REST: variants seen among roughly 807,000 people sequenced by gnomAD.
REST encodes the protein RE1-silencing transcription factor.
In REST, 1 loss-of-function variant was observed where a neutral mutation model predicts 30.4. The ratio of observed to expected loss-of-function variants is 0.03; its 90% CI spans 0.01 to 0.16. The LOEUF is 0.16. Among genes scored for constraint, REST ranks in the 10% least tolerant of loss-of-function variants. The pLI is 1.00. For synonymous variants in REST, 504 were observed against 451.1 expected, an observed-to-expected ratio of 1.12 and a Z score of -1.49; for missense variants, 1,259 against 1,329.5, an observed-to-expected ratio of 0.95 and a Z score of 0.82.
In REST at chr4:56,931,431, A is replaced by T; in HGVS notation, c.2573A>T (p.Glu858Val). ...SWLLKESVSTEDLSPPSPPLP... is the reference protein window; with the variant it reads ...SWLLKESVSTVDLSPPSPPLP... The stretch of plus-strand genomic sequence containing the variant: ...CTTCTAAAGGAAAGTGTAAGCACAG[A>T]GGATCTCTCACCACCATCACCACCA... Residue 858 changes from glutamate (E) to valine (V), a missense_variant, in exon 4 of 4, where the codon GAG (glutamate) becomes GTG (valine). By Grantham distance (121) the Glu-to-Val change is moderately radical. This residue lies in a region of REST where 856 missense variants were observed against 772.8 expected (regional missense o/e 1.11). Coordinates refer to ENST00000309042, the MANE Select transcript of REST (RefSeq NM_005612.5). 1 of 1,614,270 alleles carries T rather than the reference A, an allele frequency of 6.2e-7. No homozygotes were observed. The highest frequency in any genetic ancestry group is 8.5e-7 in the Non-Finnish European group (1 of 1,180,050).
chr4:56,915,127 T>C (rs1720129483), intron 2 of REST, among the ~76,000 whole-genome samples: 1 of 151,196 alleles, frequency 6.6e-6, no homozygotes, highest in Non-Finnish European at 1.5e-5. Context: ...TTCTCCATGT[T>C]GGGCAGGCTG....
rs1721071718 is a variant in REST, at chr4:56,934,159, A to T, written c.*2007A>T. ...CGACAATCATTGTCAACAGAAGATC[A>T]AGCTGCAAATATTTATGTTTTAAAA... is the stretch of plus-strand genomic sequence containing the variant. On this transcript the variant is annotated 3_prime_UTR_variant, in exon 4 of 4. Transcript: ENST00000309042. The T allele has an allele frequency of 2.0e-5, 3 of 152,370 alleles. No homozygotes were observed. In the South Asian group the frequency reaches 6.2e-4, roughly 32 times the overall value. 9.4% of individuals were successfully genotyped at this position (152,370 alleles called of 1,614,324 possible).
intron 3 of REST, among the ~76,000 whole-genome samples, chr4:56,928,711 T>G (rs917697767): frequency 6.6e-6 from 1 of 151,158 alleles, no homozygotes; most frequent in Non-Finnish European, 1.5e-5. Flanking sequence ...TCAGCCTCCC[T>G]AGTAGGTGGG....
rs1206393948 is a variant in REST at position 56,932,807 on chromosome 4, A to G, written c.*655A>G. ...TTTTTTTTTCTTTTGGTTTCTGTTT[A>G]TGTTTTTTTGCCTATGCAGTTAAAT... On this transcript the variant is annotated 3_prime_UTR_variant, in exon 4 of 4. Transcript: ENST00000309042. The G allele has an allele frequency of 6.7e-6, 1 of 150,018 alleles. No individual in the cohort carries two copies. The allele number at this position is 150,018 out of a possible 1,614,324, so 9.3% of individuals were successfully genotyped here. A position where few individuals can be genotyped will look rare whatever the true frequency, so the allele number is the denominator to read the frequency against.
rs1721085685 is a variant in REST at position 56,934,603 on chromosome 4, A to G, written c.*2451A>G. On this transcript the variant is annotated 3_prime_UTR_variant, in exon 4 of 4. Transcript: ENST00000309042. ...TTTGTACTTACTAAAAATTGTTTCA[A>G]TGAAAAGTACATTAGCAGTATGAAC... The G allele has an allele frequency of 1.3e-5, 2 of 152,210 alleles. No homozygotes were observed. Among genetic ancestry groups the G allele is most frequent in the Admixed American group, 1.3e-4 (2 of 15,274 alleles). 9.4% of individuals were successfully genotyped at this position (152,210 alleles called of 1,614,324 possible).
In REST at chr4:56,934,058, T is replaced by C. The variant is rs1237752897; in HGVS notation, c.*1906T>C. The C allele has an allele frequency of 6.6e-6, 1 of 152,170 alleles. No homozygotes were observed. Among genetic ancestry groups the C allele is most frequent in the Non-Finnish European group, 1.5e-5 (1 of 68,020 alleles). The allele number at this position is 152,170 out of a possible 1,614,324, so 9.4% of individuals were successfully genotyped here. A position where few individuals can be genotyped will look rare whatever the true frequency, so the allele number is the denominator to read the frequency against. ...AGCGGAAGATTCTTCTCTTAAGACATGAGGAGTAAGTTGTGTGATAATGGT... is the reference window on the plus strand; with the variant it reads ...AGCGGAAGATTCTTCTCTTAAGACACGAGGAGTAAGTTGTGTGATAATGGT... On this transcript the variant is annotated 3_prime_UTR_variant, in exon 4 of 4. Coordinates refer to ENST00000309042, the MANE Select transcript of REST (RefSeq NM_005612.5).
At chr4:56,918,418 C>T (rs866193026) in intron 2 of REST, among the ~76,000 whole-genome samples, 6 of 151,914 alleles carry the variant, frequency 3.9e-5, no homozygotes, top group South Asian at 4.2e-4. Flanking sequence ...CTGTTGAGCC[C>T]GGGAGGTCCA....
At chr4:56,927,231 T>G (rs1720753853) in intron 3 of REST, among the ~76,000 whole-genome samples, 1 of 152,240 alleles carries the variant, frequency 6.6e-6, no homozygotes, top group Admixed American at 6.5e-5. Flanking sequence ...TTCTTAGGCC[T>G]TATGCTACCT....
chr4:56,917,863 A>G (rs535566801), intron 2 of REST, among the ~76,000 whole-genome samples: 1 of 151,420 alleles, frequency 6.6e-6, no homozygotes, highest in Non-Finnish European at 1.5e-5. Flanking sequence ...CATCCTGGCT[A>G]ACAAGGTGAA....
rs1196940528 is a variant in REST, at chr4:56,934,939, C to T, written c.*2787C>T. 4.7e-5 allele frequency: 7 copies of T among 150,358 alleles called. No homozygotes were observed. Among genetic ancestry groups the T allele is most frequent in the Non-Finnish European group, 7.4e-5 (5 of 67,684 alleles). 9.3% of individuals were successfully genotyped at this position (150,358 alleles called of 1,614,324 possible). On this transcript the variant is annotated 3_prime_UTR_variant, in exon 4 of 4. Coordinates refer to ENST00000309042, the MANE Select transcript of REST (RefSeq NM_005612.5). The stretch of plus-strand genomic sequence containing the variant: ...CAAGATATTTTAAGTTATATTTTTT[C>T]CTCTTTTCAGAGCTGCTTCTTATTC...
chr4:56,917,645 A>C (rs919044304), intron 2 of REST, among the ~76,000 whole-genome samples: 1 of 152,260 alleles, frequency 6.6e-6, no homozygotes, highest in African/African-American at 2.4e-5. Context: ...ATTACAGGAA[A>C]TGAAGATTCT....
rs761641120 is a variant in REST, at chr4:56,931,685, A to G, written c.2827A>G (p.Ile943Val). The change falls in exon 4 of 4, where the codon ATA (isoleucine) becomes GTA (valine). Residue 943 changes from isoleucine (I) to valine (V), a missense_variant. This residue lies in a region of REST where 856 missense variants were observed against 772.8 expected (regional missense o/e 1.11). Transcript: ENST00000309042. ...AAATGGTAAACATCAGACTGACAGT[A>G]TAGTTTGTGAAATGAAAATGGACAC... ...TLNGKHQTDSIVCEMKMDTDQ... is the reference protein window; with the variant it reads ...TLNGKHQTDSVVCEMKMDTDQ... 1.2e-6 allele frequency: 2 copies of G among 1,614,128 alleles called. No homozygotes were observed. The highest frequency in any genetic ancestry group is 2.2e-5 in the South Asian group (2 of 91,094).
chr4:56,913,343 G>A (rs1316687968), intron 2 of REST, among the ~76,000 whole-genome samples: 1 of 151,856 alleles, frequency 6.6e-6, no homozygotes, highest in South Asian at 2.1e-4. Flanking sequence ...ATTTAAATTG[G>A]GTTTTAAATA....
intron 2 of REST, among the ~76,000 whole-genome samples, chr4:56,915,754 A>C (rs774156765): frequency 6.6e-6 from 1 of 152,184 alleles, no homozygotes; most frequent in African/African-American, 2.4e-5. Context: ...TTCCACTTGC[A>C]TTAGTAAGTA....
Position 56,910,758 on chromosome 4 carries a change from A to G in REST, c.120A>G (p.Glu40=). Residue 40 remains glutamate (E), a synonymous_variant, in exon 2 of 4, where the codon GAA becomes GAG. Coordinates refer to ENST00000309042, the MANE Select transcript of REST (RefSeq NM_005612.5). The stretch of plus-strand genomic sequence containing the variant: ...ACTTGCATGACCTTTCCAAAGCTGA[A>G]CTGGCCGCACCTCAGCTTATTATGC... ...MYDLHDLSKA[E]LAAPQLIMLA... 6.2e-7 allele frequency: 1 copy of G among 1,614,226 alleles called. No homozygotes were observed. The highest frequency in any genetic ancestry group is 8.5e-7 in the Non-Finnish European group (1 of 1,180,042).
rs1197852587 is a variant in REST at position 56,933,930 on chromosome 4, A to G, written c.*1778A>G. The G allele has an allele frequency of 6.6e-6, 1 of 152,244 alleles. No individual in the cohort carries two copies. Among genetic ancestry groups the G allele is most frequent in the Non-Finnish European group, 1.5e-5 (1 of 68,042 alleles). The allele number at this position is 152,244 out of a possible 1,614,324, so 9.4% of individuals were successfully genotyped here. A position where few individuals can be genotyped will look rare whatever the true frequency, so the allele number is the denominator to read the frequency against. On this transcript the variant is annotated 3_prime_UTR_variant, in exon 4 of 4. Coordinates refer to ENST00000309042, the MANE Select transcript of REST (RefSeq NM_005612.5). Reference sequence around the variant, plus strand: ...TACAACATGAAAGATTAGGAAAAGCATTAATAACGTGTGGGTGGAAAGCTT... The same window carrying G: ...TACAACATGAAAGATTAGGAAAAGCGTTAATAACGTGTGGGTGGAAAGCTT...
intron 2 of REST, among the ~76,000 whole-genome samples, chr4:56,914,967 C>A (rs1246061023): frequency 7.2e-6 from 1 of 139,470 alleles, no homozygotes; most frequent in Non-Finnish European, 1.5e-5. Context: ...TCTTGTCGCC[C>A]AGGGTGGAGT....
At chr4:56,908,573 C>A (rs1020849203) in intron 1 of REST, among the ~76,000 whole-genome samples, 1 of 152,034 alleles carries the variant, frequency 6.6e-6, no homozygotes, top group African/African-American at 2.4e-5. Flanking sequence ...CCTGAAACTT[C>A]CTCTGCTTCC....
chr4:56,919,744 T>G, intron 2 of REST, 43 bp from the exon 3 acceptor site: 1 of 1,205,942 alleles, frequency 8.3e-7, no homozygotes, highest in East Asian at 2.3e-5. Context: ...TATTTGGCTA[T>G]TTCGTGACAT....
Sources: allele counts gnomAD v4.1 joint callset (sites outside exome capture counted in the v4.1 genomes callset), GRCh38; gene constraint gnomAD v4.1.1; regional missense constraint gnomAD v4.1.1; transcripts MANE v1.5; gene names NCBI Gene and HGNC (gene_info 2026-07-23, HGNC 2026-07-21).